The following ADARB2 variants were observed in gnomAD, a reference collection of about 807,000 sequenced individuals.
The protein encoded by ADARB2 is adenosine deaminase RNA specific B2 (inactive).
ADARB2 carries 25 observed loss-of-function variants against 62.2 expected under a neutral mutation model. The observed-to-expected ratio is 0.40, with a 90% CI of 0.29 to 0.56. The LOEUF is 0.56. Among genes scored for constraint, ADARB2 ranks in the 20% least tolerant of loss-of-function variants. The pLI is 0.43. For synonymous variants in ADARB2, 572 were observed against 500.8 expected (o/e 1.14, Z -1.90); for missense variants, 1,071 against 1,077.4 (o/e 0.99, Z 0.08).
intron 1 of ADARB2, among the ~76,000 whole-genome samples, chr10:1,484,683 C>A (rs1168395262): frequency 1.3e-5 from 2 of 152,076 alleles, no homozygotes; most frequent in Non-Finnish European, 2.9e-5. Flanking sequence ...TGCATGTATG[C>A]AGGTGAGGAG....
chr10:1,293,422 C>T (rs1589181624), intron 3 of ADARB2, among the ~76,000 whole-genome samples: 1 of 56,318 alleles, frequency 1.8e-5, no homozygotes, highest in African/African-American at 4.8e-5. Flanking sequence ...TGTTTTAGCC[C>T]CGTCCTCCTC....
chr10:1,456,998 T>TGTTGGCCAGG (rs58072696), intron 1 of ADARB2, among the ~76,000 whole-genome samples: 2 of 151,040 alleles, frequency 1.3e-5, no homozygotes, highest in Non-Finnish European at 3.0e-5. Flanking sequence ...GGTTTCACCA[T>TGTTGGCCAGG]CTCTGCCCGC....
chr10:1,327,611 TGCCCAGCGCCTCCCCACG>T (rs2131831610), intron 3 of ADARB2, among the ~76,000 whole-genome samples: 1 of 62,150 alleles, frequency 1.6e-5, no homozygotes, highest in East Asian at 4.7e-4. Context: ...GCCTCCTCAC[TGCCCAGCGCCTCCCCACG>T]GCACAGCGCC....
chr10:1,376,959 T>G, intron 2 of ADARB2, among the ~76,000 whole-genome samples: 1 of 137,002 alleles, frequency 7.3e-6, no homozygotes, highest in Non-Finnish European at 1.6e-5. Flanking sequence ...CTGGGGTGTG[T>G]TTGTGTGCAC....
At chr10:1,728,059 A>T (rs540551013) in intron 1 of ADARB2, among the ~76,000 whole-genome samples, 1 of 152,266 alleles carries the variant, frequency 6.6e-6, no homozygotes, top group Non-Finnish European at 1.5e-5. Flanking sequence ...ATGAACTTTA[A>T]TCAGGCACAG....
At chr10:1,671,208 T>C (rs1262755271) in intron 1 of ADARB2, among the ~76,000 whole-genome samples, 1 of 152,164 alleles carries the variant, frequency 6.6e-6, no homozygotes, top group Non-Finnish European at 1.5e-5. Context: ...AGCCACAGCG[T>C]CTGCTCTCAT....
rs117546770 is a variant in ADARB2 at position 1,630,293 on chromosome 10, C to T, written c.100+106758G>A. ...CTCGTGAGGATGGGAGAAGATGACA[C>T]TCGTGCAGGTAACAGGATAATTTCA... is the stretch of plus-strand genomic sequence containing the variant. On this transcript the variant is annotated intron_variant, in intron 1 of 9. Coordinates refer to ENST00000381312, the MANE Select transcript of ADARB2 (RefSeq NM_018702.4). Among the ~76,000 whole-genome samples the T allele has an allele frequency of 2.6e-5, 4 of 152,274 alleles. No individual in the cohort carries two copies. The East Asian group carries it at 7.7e-4, about 29-fold the overall frequency.
At chr10:1,512,215 A>G (rs11250574) in intron 1 of ADARB2, among the ~76,000 whole-genome samples, 2,498 of 152,032 alleles carry the variant, frequency 0.016, 109 homozygotes, top group East Asian at 0.13. Context: ...TGGTGTCTAC[A>G]CTGCATACCA....
At chr10:1,357,168 C>G (rs1167067933) in intron 3 of ADARB2, among the ~76,000 whole-genome samples, 1 of 152,210 alleles carries the variant, frequency 6.6e-6, no homozygotes, top group Non-Finnish European at 1.5e-5. Context: ...TCCTGGCCCA[C>G]TTGTGATTAT....
chr10:1,283,386 G>T (rs1452593502), intron 3 of ADARB2, among the ~76,000 whole-genome samples: 1 of 152,172 alleles, frequency 6.6e-6, no homozygotes, highest in Non-Finnish European at 1.5e-5. Flanking sequence ...TAATTAAGGG[G>T]CTGCAATGAT....
At position 1,183,271 on chromosome 10, in the gene ADARB2, G is replaced by A. The variant is rs560367404; in HGVS notation, c.2142C>T (p.Phe714=). 3.7e-6 allele frequency: 6 copies of A among 1,614,172 alleles called. No homozygotes were observed. The Admixed American group carries it at 5.0e-5, about 13-fold the overall frequency. ...HTYQSVKQQL[F]KAFQKAGLGT... The stretch of plus-strand genomic sequence containing the variant: ...CCAGGCCAGCCTTCTGAAAGGCCTT[G>A]AACAGCTGCTGTTTCACAGACTGGT... The change falls in exon 10 of 10, where the codon TTC becomes TTT. Residue 714 remains phenylalanine, a synonymous_variant. Coordinates refer to ENST00000381312, the MANE Select transcript of ADARB2 (RefSeq NM_018702.4).
At chr10:1,264,241 G>A (rs1831171618) in intron 4 of ADARB2, among the ~76,000 whole-genome samples, 1 of 152,086 alleles carries the variant, frequency 6.6e-6, no homozygotes, top group Non-Finnish European at 1.5e-5. Flanking sequence ...CAGTTCATTT[G>A]TTTCAGCTTA....
intron 1 of ADARB2, among the ~76,000 whole-genome samples, chr10:1,496,914 A>G (rs1254621660): frequency 6.6e-6 from 1 of 152,154 alleles, no homozygotes; most frequent in Non-Finnish European, 1.5e-5. Context: ...TTAGGCTGAG[A>G]CATTAAGTAG....
At chr10:1,686,023 C>T (rs1276450892) in intron 1 of ADARB2, among the ~76,000 whole-genome samples, 1 of 152,220 alleles carries the variant, frequency 6.6e-6, no homozygotes, top group Non-Finnish European at 1.5e-5. Context: ...TAATCTGTTT[C>T]CCATTCTTTT....
chr10:1,340,768 C>T (rs1401350871), intron 3 of ADARB2, among the ~76,000 whole-genome samples: 7 of 141,494 alleles, frequency 4.9e-5, no homozygotes, highest in South Asian at 2.3e-4. Context: ...TGCCCCACAG[C>T]GGCGATAACC....
intron 4 of ADARB2, among the ~76,000 whole-genome samples, chr10:1,263,061 C>T (rs1022836041): frequency 1.4e-5 from 2 of 141,934 alleles, no homozygotes; most frequent in African/African-American, 2.7e-5. Flanking sequence ...TGTTCTCACT[C>T]ATAGGTGGGA....
At chr10:1,325,918 G>A (rs896126384) in intron 3 of ADARB2, among the ~76,000 whole-genome samples, 2 of 151,324 alleles carry the variant, frequency 1.3e-5, no homozygotes, top group Non-Finnish European at 2.9e-5. Context: ...TGATTCTCCT[G>A]TTTAAACTCC....
At position 1,334,317 on chromosome 10, in the gene ADARB2, C is replaced by T. The variant is rs140790257; in HGVS notation, c.1077+28711G>A. On this transcript the variant is annotated intron_variant, in intron 3 of 9. Transcript: ENST00000381312. ...ATACATTTGAAAATATTTTATCAAACGCCCTGCTTGCTGTGACTGTCAAGT... is the reference window on the plus strand; with the variant it reads ...ATACATTTGAAAATATTTTATCAAATGCCCTGCTTGCTGTGACTGTCAAGT... Among the ~76,000 whole-genome samples, 35 of 152,314 alleles carry T rather than the reference C, an allele frequency of 2.3e-4. No individual in the cohort carries two copies. The East Asian group carries it at 5.4e-3, about 23-fold the overall frequency.
intron 4 of ADARB2, among the ~76,000 whole-genome samples, chr10:1,268,840 T>C (rs1256902512): frequency 6.6e-6 from 1 of 152,220 alleles, no homozygotes; most frequent in Non-Finnish European, 1.5e-5. Flanking sequence ...ATAGATAAAT[T>C]GCCTACACAT....
Sources: allele counts gnomAD v4.1 joint callset (sites outside exome capture counted in the v4.1 genomes callset), GRCh38; gene constraint gnomAD v4.1.1; transcripts MANE v1.5; gene names NCBI Gene and HGNC (gene_info 2026-07-23, HGNC 2026-07-21).